The following RAPGEF4 variants were observed in gnomAD, a reference collection of about 807,000 sequenced individuals.
The protein encoded by RAPGEF4 is Rap guanine nucleotide exchange factor 4, also known as RAP guanine-nucleotide-exchange factor (GEF) 4.
A neutral mutation model predicts 147.9 loss-of-function variants in RAPGEF4; 66 were observed. That is an observed-to-expected ratio of 0.45 (90% confidence interval 0.37 to 0.55). The LOEUF is 0.55. Among genes scored for constraint, RAPGEF4 ranks in the 20% least tolerant of loss-of-function variants. The pLI is 0.00. For synonymous variants in RAPGEF4, 419 were observed against 442.7 expected (o/e 0.95, Z 0.67); for missense variants, 1,071 against 1,257.3 (o/e 0.85, Z 2.24).
intron 6 of RAPGEF4, among the ~76,000 whole-genome samples, chr2:172,939,159 G>A (rs772661124): frequency 3.9e-5 from 6 of 152,122 alleles, no homozygotes; most frequent in Non-Finnish European, 8.8e-5. Context: ...ATAAGTTTTC[G>A]AATCAGTTGG....
intron 4 of RAPGEF4, 56 bp from the exon 5 acceptor site, chr2:172,917,746 T>C: frequency 2.1e-6 from 3 of 1,455,976 alleles, no homozygotes; most frequent in South Asian, 1.1e-5. Flanking sequence ...TGTAAATAAA[T>C]GAATGCTCAA....
At chr2:172,992,933 G>A (rs534851564) in intron 15 of RAPGEF4, among the ~76,000 whole-genome samples, 1 of 152,052 alleles carries the variant, frequency 6.6e-6, no homozygotes, top group Non-Finnish European at 1.5e-5. Context: ...GGGGCATGTA[G>A]ATAAATATGG....
chr2:172,758,034 C>T (rs1695941277), intron 1 of RAPGEF4, among the ~76,000 whole-genome samples: 9 of 151,896 alleles, frequency 5.9e-5, no homozygotes, highest in Admixed American at 5.9e-4. Context: ...CCCCAAAAAA[C>T]AAATAGAGCC....
At chr2:172,825,135 C>T (rs2194717) in intron 4 of RAPGEF4, among the ~76,000 whole-genome samples, 130,826 of 152,224 alleles carry the variant, frequency 0.86, 56,446 homozygotes, top group East Asian at 0.97. Context: ...GTTGAAAATA[C>T]CATGTCAGTA....
At chr2:172,923,329 T>G (rs1311762960) in intron 6 of RAPGEF4, among the ~76,000 whole-genome samples, 1 of 152,134 alleles carries the variant, frequency 6.6e-6, no homozygotes, top group East Asian at 1.9e-4. Flanking sequence ...AGTGCAGTGG[T>G]GCAATCTCAG....
intron 4 of RAPGEF4, among the ~76,000 whole-genome samples, chr2:172,903,286 G>A (rs915237668): frequency 7.4e-5 from 11 of 149,068 alleles, no homozygotes; most frequent in African/African-American, 2.7e-4. Context: ...GGAGAACGGC[G>A]TGAACCTGGG....
chr2:172,806,370 C>T (rs1574900599), intron 3 of RAPGEF4, among the ~76,000 whole-genome samples: 2 of 152,148 alleles, frequency 1.3e-5, no homozygotes, highest in African/African-American at 2.4e-5. Flanking sequence ...ATGCAACCCA[C>T]GGTGGTTAAA....
At chr2:172,917,369 C>T (rs955070337) in intron 4 of RAPGEF4, 1 of 442,432 alleles carries the variant, frequency 2.3e-6, no homozygotes, top group Non-Finnish European at 4.4e-6. Context: ...AGATGCGTTT[C>T]TTTTTGCTTT....
intron 23 of RAPGEF4, among the ~76,000 whole-genome samples, chr2:173,024,037 T>G (rs1696387441): frequency 6.6e-6 from 1 of 152,198 alleles, no homozygotes; most frequent in Admixed American, 6.5e-5. Flanking sequence ...ATATGCTACT[T>G]GCCCATCAGC....
At chr2:173,035,354 CA>C (rs1192671746) in intron 27 of RAPGEF4, among the ~76,000 whole-genome samples, 1 of 151,684 alleles carries the variant, frequency 6.6e-6, no homozygotes, top group Non-Finnish European at 1.5e-5. Context: ...TAAAAAAATA[CA>C]AAAAAATTAG....
chr2:172,952,488 CG>C (rs764463551), intron 6 of RAPGEF4, among the ~76,000 whole-genome samples: 2 of 152,094 alleles, frequency 1.3e-5, no homozygotes, highest in Non-Finnish European at 2.9e-5. Flanking sequence ...GGAGACACAC[CG>C]TAATGGGCAG....
rs544916770 is a variant in RAPGEF4 at position 172,786,608 on chromosome 2, T to C, written c.66-8417T>C. 5.9e-5 allele frequency among the ~76,000 whole-genome samples: 9 copies of C among 152,328 alleles called. No homozygotes were observed. In the East Asian group the frequency reaches 1.7e-3, roughly 29 times the overall value. On this transcript the variant is annotated intron_variant, in intron 1 of 30. Coordinates refer to ENST00000397081, the MANE Select transcript of RAPGEF4 (RefSeq NM_007023.4). Reference sequence around the variant, plus strand: ...TAACACTTATTTATAGGCCAGGTGGTAATTAAGAATTGACTCAGAGCTTTG... The same window carrying C: ...TAACACTTATTTATAGGCCAGGTGGCAATTAAGAATTGACTCAGAGCTTTG...
chr2:172,760,124 A>T (rs1050922358), intron 1 of RAPGEF4, among the ~76,000 whole-genome samples: 1 of 152,228 alleles, frequency 6.6e-6, no homozygotes, highest in Non-Finnish European at 1.5e-5. Context: ...AAACTTTCAG[A>T]TAACTGCTCT....
chr2:173,047,039 C>A (rs75802533), intron 29 of RAPGEF4, among the ~76,000 whole-genome samples: 6,611 of 152,202 alleles, frequency 0.043, 283 homozygotes, highest in Admixed American at 0.11. Flanking sequence ...GCTCAGAGAT[C>A]GGGGAGTCTC....
chr2:172,956,257 G>A (rs970798900), intron 6 of RAPGEF4, among the ~76,000 whole-genome samples: 2 of 151,856 alleles, frequency 1.3e-5, no homozygotes, highest in African/African-American at 4.8e-5. Flanking sequence ...GCCAATATTG[G>A]GACTACCTCT....
intron 10 of RAPGEF4, among the ~76,000 whole-genome samples, chr2:172,977,947 A>G (rs1223964545): frequency 2.6e-5 from 4 of 152,164 alleles, no homozygotes; most frequent in Non-Finnish European, 5.9e-5. Context: ...ACCTCAGACC[A>G]CAGGGTTGGG....
intron 6 of RAPGEF4, among the ~76,000 whole-genome samples, chr2:172,938,247 A>T (rs1431656374): frequency 6.6e-6 from 1 of 151,932 alleles, no homozygotes; most frequent in African/African-American, 2.4e-5. Context: ...ACACACACAG[A>T]CAACCATCTG....
Position 173,042,014 on chromosome 2 carries a change from C to T in RAPGEF4, c.2853+5322C>T, listed in dbSNP as rs905331234. Among the ~76,000 whole-genome samples the T allele has an allele frequency of 6.6e-5, 10 of 152,106 alleles. No homozygotes were observed. The highest frequency in any genetic ancestry group is 1.2e-4 in the Non-Finnish European group (8 of 68,002). ...CTGACCTCCGTGTAACACCGTTCTG[C>T]GACACCCAGCACTCTCCAACACAAC... On this transcript the variant is annotated intron_variant, in intron 29 of 30. Coordinates refer to ENST00000397081, the MANE Select transcript of RAPGEF4 (RefSeq NM_007023.4). This position sits in a 1 kb window ranked among gnomAD's most constrained non-coding sequence, Gnocchi z 4.2.
chr2:172,785,956 G>T (rs1365062459), intron 1 of RAPGEF4, among the ~76,000 whole-genome samples: 1 of 152,074 alleles, frequency 6.6e-6, no homozygotes, highest in Non-Finnish European at 1.5e-5. Context: ...CACGGTAAAG[G>T]GTTTGCAAAT....
Sources: gnomAD v4.1 joint callset for allele counts (sites outside exome capture counted in the v4.1 genomes callset) on GRCh38, gnomAD v4.1.1 for gene constraint, Gnocchi (gnomAD v3.1) non-coding constraint, MANE v1.5 for transcripts, NCBI Gene and HGNC (gene_info 2026-07-23, HGNC 2026-07-21) for gene names.